Variants in KDM4C observed in about 807,000 individuals in gnomAD.
KDM4C encodes the protein lysine-specific demethylase 4C.
A neutral mutation model predicts 129.3 loss-of-function variants in KDM4C; 81 were observed. The ratio of observed to expected loss-of-function variants is 0.63; its 90% CI spans 0.52 to 0.75. The LOEUF is 0.75. KDM4C is among the 30% of genes least tolerant of loss of function. KDM4C has a pLI of 0.00. For synonymous variants in KDM4C, 573 were observed against 456.1 expected, an observed-to-expected ratio of 1.26 and a Z score of -3.26; for missense variants, 1,457 against 1,304.0, an observed-to-expected ratio of 1.12 and a Z score of -1.81.
chr9:6,833,887 G>T (rs1835359928), intron 4 of KDM4C, among the ~76,000 whole-genome samples: 1 of 152,130 alleles, frequency 6.6e-6, no homozygotes, highest in Non-Finnish European at 1.5e-5. Flanking sequence ...TTTGACATCT[G>T]TCAGAGCCGT....
chr9:7,113,569 A>G (rs545515550), intron 18 of KDM4C, among the ~76,000 whole-genome samples: 5 of 152,312 alleles, frequency 3.3e-5, no homozygotes, highest in African/African-American at 1.2e-4. Flanking sequence ...TTCTGTTGAT[A>G]GAGCAAGGGC....
chr9:6,779,655 T>C (rs1057379498), intron 1 of KDM4C, among the ~76,000 whole-genome samples: 2 of 152,218 alleles, frequency 1.3e-5, no homozygotes, highest in African/African-American at 4.8e-5. Context: ...GCTGAGAGTC[T>C]GCTCTTGCAA....
chr9:7,001,165 A>C (rs2132032283), intron 12 of KDM4C, among the ~76,000 whole-genome samples: 1 of 152,314 alleles, frequency 6.6e-6, no homozygotes, highest in East Asian at 1.9e-4. Context: ...TGGTGAGATG[A>C]GTATATCTTT....
In KDM4C at chr9:6,988,158, TAAAAAAAAAAAAAAAAAAAA is replaced by T. The variant is rs60244122; in HGVS notation, c.1677+1499_1677+1518del. Among the ~76,000 whole-genome samples, 4 of 85,324 alleles carry T rather than the reference TAAAAAAAAAAAAAAAAAAAA, an allele frequency of 4.7e-5. No homozygotes were observed. In the East Asian group the frequency reaches 1.1e-3, roughly 24 times the overall value. 56.0% of individuals were successfully genotyped at this position (85,324 alleles called of 152,430 possible). ...TGACAGAGTGAGAGACCCTGTCTCTTAAAAAAAAAAAAAAAAAAAAAAAAAAGGAAAAAAAATTTGCAACT... is the reference window on the plus strand; with the variant it reads ...TGACAGAGTGAGAGACCCTGTCTCTTAAAAAAGGAAAAAAAATTTGCAACT... On this transcript the variant is annotated intron_variant, in intron 11 of 21. Transcript: ENST00000381309.
Position 7,155,249 on chromosome 9 carries a change from G to T in KDM4C, c.2782-9989G>T, listed in dbSNP as rs184074069. On this transcript the variant is annotated intron_variant, in intron 19 of 21. Transcript: ENST00000381309. ...CCCAAGGATATGTGAACCAGCTGGA[G>T]ACCTGTAAGAGGGAGGGCAGACCAC... Among the ~76,000 whole-genome samples the T allele has an allele frequency of 1.3e-3, 195 of 152,264 alleles. 1 individual carries two copies. The highest frequency in any genetic ancestry group is 4.3e-3 in the African/African-American group (180 of 41,550).
At chr9:7,003,934 A>C (rs1359719941) in intron 12 of KDM4C, among the ~76,000 whole-genome samples, 2 of 152,104 alleles carry the variant, frequency 1.3e-5, no homozygotes, top group African/African-American at 4.8e-5. Flanking sequence ...TCCCTGCAGG[A>C]TGTTTGAAAC....
At chr9:7,087,376 T>A (rs1055578520) in intron 17 of KDM4C, among the ~76,000 whole-genome samples, 1 of 152,166 alleles carries the variant, frequency 6.6e-6, no homozygotes, top group African/African-American at 2.4e-5. Context: ...TTTAAAGGCT[T>A]CATCTATCTG....
chr9:6,877,817 C>A (rs1843794115), intron 5 of KDM4C, among the ~76,000 whole-genome samples: 1 of 152,196 alleles, frequency 6.6e-6, no homozygotes, highest in African/African-American at 2.4e-5. Flanking sequence ...ACAGAAAAAT[C>A]TGATGGTGAC....
intron 5 of KDM4C, among the ~76,000 whole-genome samples, chr9:6,854,924 C>T (rs772018905): frequency 1.3e-5 from 2 of 152,152 alleles, no homozygotes; most frequent in Admixed American, 6.5e-5. Context: ...TATTAAATAA[C>T]CTCCATGCCT....
intron 1 of KDM4C, among the ~76,000 whole-genome samples, chr9:6,725,637 G>C (rs1033532401): frequency 6.6e-6 from 1 of 150,956 alleles, no homozygotes; most frequent in Non-Finnish European, 1.5e-5. Context: ...ACAGGCACCT[G>C]CCACCACATC....
intron 5 of KDM4C, 141 bp from the exon 6 acceptor site, chr9:6,879,871 C>G (rs763140002): frequency 2.3e-6 from 1 of 441,444 alleles, no homozygotes; most frequent in African/African-American, 2.0e-5. Flanking sequence ...CTGTGATTGG[C>G]TTTCTAATCT....
intron 17 of KDM4C, among the ~76,000 whole-genome samples, chr9:7,073,240 C>A (rs1322543507): frequency 6.6e-6 from 1 of 152,172 alleles, no homozygotes; most frequent in Admixed American, 6.5e-5. Context: ...ATCCTACTGC[C>A]AGAATCATTA....
chr9:6,837,294 G>C (rs1400674138), intron 4 of KDM4C, among the ~76,000 whole-genome samples: 1 of 152,172 alleles, frequency 6.6e-6, no homozygotes, highest in South Asian at 2.1e-4. Context: ...CTGGACTCAA[G>C]TGATCGCCTG....
intron 12 of KDM4C, among the ~76,000 whole-genome samples, chr9:6,996,325 G>A (rs1278215306): frequency 1.3e-5 from 2 of 152,182 alleles, no homozygotes; most frequent in African/African-American, 2.4e-5. Context: ...CTGAACATGT[G>A]CTTTATCACA....
chr9:6,760,161 T>C (rs534199804), intron 1 of KDM4C, among the ~76,000 whole-genome samples: 4 of 152,026 alleles, frequency 2.6e-5, no homozygotes, highest in Admixed American at 6.6e-5. Flanking sequence ...TCTGTCTCAA[T>C]AGATTTGGCT....
At chr9:6,924,200 T>C (rs981470818) in intron 8 of KDM4C, among the ~76,000 whole-genome samples, 1 of 152,218 alleles carries the variant, frequency 6.6e-6, no homozygotes, top group African/African-American at 2.4e-5. Flanking sequence ...TGGTTACTGG[T>C]TGCATGTGCT....
At chr9:6,827,470 C>G (rs530620190) in intron 4 of KDM4C, among the ~76,000 whole-genome samples, 1 of 152,310 alleles carries the variant, frequency 6.6e-6, no homozygotes, top group Admixed American at 6.5e-5. Context: ...AGGTGTTAGA[C>G]ATAGTGGCAT....
chr9:6,885,079 T>G (rs770493374), intron 6 of KDM4C, among the ~76,000 whole-genome samples: 19 of 152,234 alleles, frequency 1.2e-4, no homozygotes, highest in Non-Finnish European at 2.8e-4. Flanking sequence ...GACAAATGTT[T>G]ACAGTGGTGT....
intron 8 of KDM4C, among the ~76,000 whole-genome samples, chr9:6,910,822 C>A (rs867709380): frequency 6.6e-6 from 1 of 152,116 alleles, no homozygotes; most frequent in Admixed American, 6.5e-5. Flanking sequence ...AAATGTTGAA[C>A]GCTGCGGGAT....
Sources: gnomAD v4.1 joint callset for allele counts (sites outside exome capture counted in the v4.1 genomes callset) on GRCh38, gnomAD v4.1.1 for gene constraint, MANE v1.5 for transcripts, NCBI Gene and HGNC (gene_info 2026-07-23, HGNC 2026-07-21) for gene names.